Variants in USP42 observed in about 807,000 individuals in gnomAD.
The protein encoded by USP42 is ubiquitin carboxyl-terminal hydrolase 42.
Under a neutral mutation model 113.0 loss-of-function variants are expected in USP42, and 23 were observed. The ratio of observed to expected loss-of-function variants is 0.20; its 90% CI spans 0.15 to 0.29. The LOEUF (loss-of-function observed/expected upper bound fraction) is 0.29. Ranked by LOEUF, USP42 falls within the 10% of genes least tolerant of loss-of-function variation. The pLI is 1.00. For missense variants in USP42, 2,174 were observed against 1,779.8 expected, an observed-to-expected ratio of 1.22 and a Z score of -3.99; for synonymous variants, 933 against 699.0, an observed-to-expected ratio of 1.33 and a Z score of -5.28.
chr7:6,159,425 C>A lies in USP42; in HGVS notation c.3944-25C>A, dbSNP rs1207296149. On this transcript the variant is annotated intron_variant, in intron 16 of 17. Transcript: ENST00000306177. The surrounding 1 kb of genome is among the most constrained non-coding windows in gnomAD (Gnocchi z 4.1). Reference sequence around the variant, plus strand: ...GCGATTTTGCAACCATCATTAAAATCTCTTTCCTGACCTTTGCTTTCTAGG... The same window carrying A: ...GCGATTTTGCAACCATCATTAAAATATCTTTCCTGACCTTTGCTTTCTAGG... 1 of 1,613,946 alleles carries A rather than the reference C, an allele frequency of 6.2e-7. No individual in the cohort carries two copies. Among genetic ancestry groups the A allele is most frequent in the East Asian group, 2.2e-5 (1 of 44,886 alleles).
Position 6,157,093 on chromosome 7 carries a change from A to G in USP42, c.3943+38A>G. On this transcript the variant is annotated intron_variant, in intron 16 of 17. Transcript: ENST00000306177. This position sits in a 1 kb window ranked among gnomAD's most constrained non-coding sequence, Gnocchi z 4.1. ...ACTTGGAATTAGGAAGATAGAAACT[A>G]TTTCTTAATACATTTTCTTTGCAAA... is the stretch of plus-strand genomic sequence containing the variant. The G allele has an allele frequency of 6.6e-7, 1 of 1,519,270 alleles. No individual in the cohort carries two copies. Among genetic ancestry groups the G allele is most frequent in the Non-Finnish European group, 8.8e-7 (1 of 1,138,732 alleles). The allele number at this position is 1,519,270 out of a possible 1,614,324, so 94.1% of individuals were successfully genotyped here.
chr7:6,154,198 G>A lies in USP42; in HGVS notation c.2644G>A (p.Asp882Asn), dbSNP rs1782262476. The stretch of plus-strand genomic sequence containing the variant: ...TCACCCCAGCGGGGACCACGCCCGG[G>A]ACGCTCAGGACCCATCCCAGAGCTT... ...LVHPSGDHARDAQDPSQSLGA... is the reference protein window; with the variant it reads ...LVHPSGDHARNAQDPSQSLGA... The change falls in exon 15 of 18, where the codon GAC becomes AAC. Residue 882 changes from aspartate to asparagine, a missense_variant. By Grantham distance (23) the Asp-to-Asn change is conservative. Coordinates refer to ENST00000306177, the MANE Select transcript of USP42 (RefSeq NM_032172.3). 6.2e-7 allele frequency: 1 copy of A among 1,602,550 alleles called. No individual in the cohort carries two copies. The highest frequency in any genetic ancestry group is 1.3e-5 in the African/African-American group (1 of 74,918).
At position 6,159,977 on chromosome 7, in the gene USP42, C is replaced by G. The variant is rs1782680694; in HGVS notation, c.*36+484C>G. Among the ~76,000 whole-genome samples the G allele has an allele frequency of 6.6e-6, 1 of 152,250 alleles. No homozygotes were observed. The highest frequency in any genetic ancestry group is 1.5e-5 in the Non-Finnish European group (1 of 68,050). Reference sequence around the variant, plus strand: ...CCCCCCCAGCAGCCACCGTACAAAACCATAGGAAGGTGGCCCAGGGCCGGG... The same window carrying G: ...CCCCCCCAGCAGCCACCGTACAAAAGCATAGGAAGGTGGCCCAGGGCCGGG... On this transcript the variant is annotated intron_variant, in intron 17 of 17. Coordinates refer to ENST00000306177, the MANE Select transcript of USP42 (RefSeq NM_032172.3). The surrounding 1 kb of genome is among the most constrained non-coding windows in gnomAD (Gnocchi z 4.1).
Position 6,107,526 on chromosome 7 carries a change from C to T in USP42, c.-10+2494C>T, listed in dbSNP as rs560375749. ...CTGGGTTCAAGGGATTCTCCTGCCT[C>T]AGCCTCCCGAGTAGCTGGGATTACA... On this transcript the variant is annotated intron_variant, in intron 1 of 17. Coordinates refer to ENST00000306177, the MANE Select transcript of USP42 (RefSeq NM_032172.3). 1.5e-3 allele frequency among the ~76,000 whole-genome samples: 227 copies of T among 151,832 alleles called. 2 individuals carry two copies. The highest frequency in any genetic ancestry group is 2.2e-3 in the Non-Finnish European group (148 of 67,944).
intron 1 of USP42, among the ~76,000 whole-genome samples, chr7:6,109,199 G>A (rs1028222147): frequency 5.9e-5 from 9 of 152,038 alleles, no homozygotes; most frequent in East Asian, 1.9e-4. Flanking sequence ...GAAAAGAGTC[G>A]GAGAAAAGAA....
At chr7:6,128,192 A>T (rs1411665912) in intron 3 of USP42, 1 of 150,142 alleles carries the variant, frequency 6.7e-6, no homozygotes, top group African/African-American at 2.5e-5. Flanking sequence ...GCCTCAAGTG[A>T]TCCTCCTGCC....
At chr7:6,091,046 C>A in the USP42 span, among the ~76,000 whole-genome samples, 3 of 150,624 alleles carry the variant, frequency 2.0e-5, no homozygotes, top group African/African-American at 7.5e-5. Context: ...TGCAGCAAGC[C>A]TTCCTTGGCC....
chr7:6,140,878 A>C (rs769240562), intron 6 of USP42, 36 bp from the exon 7 acceptor site: 17 of 1,189,168 alleles, frequency 1.4e-5, no homozygotes, highest in Non-Finnish European at 9.8e-6. Context: ...TAATGATTAT[A>C]CTTTGCTCAT....
rs1445830719 is a variant in USP42 at position 6,154,596 on chromosome 7, G to C, written c.3042G>C (p.Leu1014=). The change falls in exon 15 of 18, where the codon CTG becomes CTC. Residue 1014 remains leucine, a synonymous_variant. Transcript: ENST00000306177. The stretch of plus-strand genomic sequence containing the variant: ...TCAGCCCTGGCGAGCGCCGCTCTCT[G>C]GGCAGGTGCAGTCACCACCACTCCC... ...DRLSPGERRS[L]GRCSHHHSRH... 6.3e-7 allele frequency: 1 copy of C among 1,580,618 alleles called. No homozygotes were observed. Among genetic ancestry groups the C allele is most frequent in the Admixed American group, 1.8e-5 (1 of 55,548 alleles).
At chr7:6,109,230 G>C (rs1312702110) in intron 1 of USP42, among the ~76,000 whole-genome samples, 1 of 152,130 alleles carries the variant, frequency 6.6e-6, no homozygotes, top group Non-Finnish European at 1.5e-5. Flanking sequence ...AGAGCCCAGA[G>C]ACAGCAGGGA....
chr7:6,129,907 C>T (rs1049173134), intron 3 of USP42, among the ~76,000 whole-genome samples: 1 of 150,754 alleles, frequency 6.6e-6, no homozygotes, highest in Non-Finnish European at 1.5e-5. Flanking sequence ...AGAACCATAT[C>T]AGACAATGTT....
chr7:6,136,876 C>T lies in USP42; in HGVS notation c.553+925C>T, dbSNP rs373488454. Reference sequence around the variant, plus strand: ...CCAGGCTAGTCTTGAACTCCTGGCTCAAGTGATCCTCTTGCCCCAGTTGAG... The same window carrying T: ...CCAGGCTAGTCTTGAACTCCTGGCTTAAGTGATCCTCTTGCCCCAGTTGAG... On this transcript the variant is annotated intron_variant, in intron 4 of 17. Transcript: ENST00000306177. 3.3e-5 allele frequency among the ~76,000 whole-genome samples: 5 copies of T among 151,140 alleles called. No homozygotes were observed. The South Asian group carries it at 8.3e-4, about 25-fold the overall frequency.
At chr7:6,130,568 A>T (rs1780797967) in intron 3 of USP42, among the ~76,000 whole-genome samples, 1 of 152,164 alleles carries the variant, frequency 6.6e-6, no homozygotes, top group South Asian at 2.1e-4. Flanking sequence ...GTATGGTTGC[A>T]AGTCCCAGCT....
In USP42 at chr7:6,112,990, G is replaced by T. The variant is rs992286074; in HGVS notation, c.241+1616G>T. ...GCGATCTCGGCTCACTGCAATCTCTGCCTGCTGGGTTCAAGCAATTCTCCT... is the reference window on the plus strand; with the variant it reads ...GCGATCTCGGCTCACTGCAATCTCTTCCTGCTGGGTTCAAGCAATTCTCCT... On this transcript the variant is annotated intron_variant, in intron 2 of 17. Transcript: ENST00000306177. Among the ~76,000 whole-genome samples, 7 of 141,240 alleles carry T rather than the reference G, an allele frequency of 5.0e-5. No individual in the cohort carries two copies. The Admixed American group carries it at 5.4e-4, about 11-fold the overall frequency. The allele number at this position is 141,240 out of a possible 152,430, so 92.7% of individuals were successfully genotyped here.
At chr7:6,156,685 C>G (rs1475696334) in intron 15 of USP42, 69 bp from the exon 16 acceptor site, 6 of 1,461,132 alleles carry the variant, frequency 4.1e-6, no homozygotes. Context: ...GTGGAAAGGC[C>G]AAGCTCCAGG....
chr7:6,160,525 C>G (rs750728748), intron 17 of USP42, 30 bp from the exon 18 acceptor site: 1 of 152,708 alleles, frequency 6.5e-6, no homozygotes, highest in African/African-American at 2.4e-5. Context: ...CTGCCTCCAA[C>G]TCACTAACCC....
At chr7:6,145,388 C>T in intron 9 of USP42, 128 bp from the exon 10 acceptor site, 1 of 1,109,994 alleles carries the variant, frequency 9.0e-7, no homozygotes, top group Non-Finnish European at 1.3e-6. Context: ...TAGGTTTTTG[C>T]TAGAATATCA....
intron 12 of USP42, among the ~76,000 whole-genome samples, chr7:6,149,271 G>A (rs964086644): frequency 1.3e-5 from 2 of 152,186 alleles, no homozygotes; most frequent in African/African-American, 4.8e-5. Context: ...CAGGTAGCAA[G>A]TGTGTGACTC....
chr7:6,148,284 C>G (rs2128513162), intron 12 of USP42, among the ~76,000 whole-genome samples: 1 of 152,236 alleles, frequency 6.6e-6, no homozygotes, highest in East Asian at 1.9e-4. Context: ...TTGCAGTGAG[C>G]TGAGATTGCA....
Sources: allele counts gnomAD v4.1 joint callset (sites outside exome capture counted in the v4.1 genomes callset), GRCh38; gene constraint gnomAD v4.1.1; non-coding constraint Gnocchi (gnomAD v3.1); transcripts MANE v1.5; gene names NCBI Gene and HGNC (gene_info 2026-07-23, HGNC 2026-07-21).